SLIT3: variants seen among roughly 807,000 people sequenced by gnomAD.
The protein encoded by SLIT3 is slit guidance ligand 3.
SLIT3 carries 68 observed loss-of-function variants against 184.0 expected under a neutral mutation model. The ratio of observed to expected loss-of-function variants is 0.37; its 90% confidence interval spans 0.30 to 0.45. The LOEUF (loss-of-function observed/expected upper bound fraction) is 0.45, where lower values mean the gene tolerates loss of function less well. Among genes scored for constraint, SLIT3 ranks in the 20% least tolerant of loss-of-function variants. The pLI, the probability that SLIT3 is intolerant of heterozygous loss-of-function variation, is 1.00. For synonymous variants in SLIT3, 831 were observed against 828.6 expected (o/e 1.00, Z -0.05); for missense variants, 1,707 against 2,026.0 (o/e 0.84, Z 3.02).
At chr5:169,187,118 T>TTTG (rs1325030140) in intron 4 of SLIT3, among the ~76,000 whole-genome samples, 1 of 140,200 alleles carries the variant, frequency 7.1e-6, no homozygotes, top group African/African-American at 2.6e-5. Flanking sequence ...TAGGTTTTTT[T>TTTG]TTTTTTTTTT....
At chr5:168,684,989 T>C (rs1426056173) in intron 31 of SLIT3, among the ~76,000 whole-genome samples, 1 of 149,940 alleles carries the variant, frequency 6.7e-6, no homozygotes, top group Non-Finnish European at 1.5e-5. Flanking sequence ...CCTGCCCTGT[T>C]GCCCAGGCTG....
At chr5:169,008,140 A>T (rs1381321599) in intron 4 of SLIT3, among the ~76,000 whole-genome samples, 3 of 152,236 alleles carry the variant, frequency 2.0e-5, no homozygotes, top group African/African-American at 7.2e-5. Flanking sequence ...TCACACAAGG[A>T]AAGATGAAGA....
rs544537824 is a variant in SLIT3 at position 168,738,796 on chromosome 5, G to A, written c.2270+9506C>T. On this transcript the variant is annotated intron_variant, in intron 20 of 35. Coordinates refer to ENST00000519560, the MANE Select transcript of SLIT3 (RefSeq NM_003062.4). ...TACTAAAAATACAAAAAATTAGCCG[G>A]GCGCGGTGGCGGGCGCCTGTAGTCC... 1.4e-3 allele frequency among the ~76,000 whole-genome samples: 215 copies of A among 152,180 alleles called. 1 individual carries two copies. The highest frequency in any genetic ancestry group is 2.6e-3 in the Non-Finnish European group (180 of 68,002).
intron 32 of SLIT3, among the ~76,000 whole-genome samples, chr5:168,678,459 G>A (rs909371761): frequency 7.2e-5 from 11 of 152,090 alleles, no homozygotes; most frequent in African/African-American, 2.7e-4. Context: ...CGAGGCGGGC[G>A]GATCACAAGG....
intron 4 of SLIT3, among the ~76,000 whole-genome samples, chr5:169,070,219 G>A (rs1229480693): frequency 6.6e-6 from 1 of 152,180 alleles, no homozygotes; most frequent in Non-Finnish European, 1.5e-5. Context: ...GTATGTTCGA[G>A]TGATGTGTCC....
chr5:169,252,830 G>C (rs1765821399), intron 1 of SLIT3, among the ~76,000 whole-genome samples: 1 of 152,148 alleles, frequency 6.6e-6, no homozygotes, highest in African/African-American at 2.4e-5. Flanking sequence ...GAACAGGAAA[G>C]GCATTTTCAG....
At chr5:168,964,544 G>T (rs913040388) in intron 4 of SLIT3, among the ~76,000 whole-genome samples, 9 of 152,322 alleles carry the variant, frequency 5.9e-5, no homozygotes, top group African/African-American at 1.9e-4. Context: ...TGGACAAAAG[G>T]TAAGAAGTCA....
intron 23 of SLIT3, among the ~76,000 whole-genome samples, chr5:168,713,098 G>C (rs1762611628): frequency 6.6e-6 from 1 of 152,184 alleles, no homozygotes; most frequent in East Asian, 1.9e-4. Flanking sequence ...CAGAGGGAGG[G>C]GGTCCTCAGC....
chr5:168,678,260 G>A (rs1296920530), intron 32 of SLIT3, among the ~76,000 whole-genome samples: 1 of 152,184 alleles, frequency 6.6e-6, no homozygotes, highest in African/African-American at 2.4e-5. Context: ...GAGGTTCAGG[G>A]TAGGCAGTGC....
chr5:168,731,191 G>A (rs1292003278), intron 20 of SLIT3, among the ~76,000 whole-genome samples: 1 of 151,936 alleles, frequency 6.6e-6, no homozygotes, highest in Non-Finnish European at 1.5e-5. Flanking sequence ...AGAGCAAATG[G>A]ATAAATTCCC....
rs75355877 is a variant in SLIT3, at chr5:169,060,596, G to T, written c.413+132883C>A. Among the ~76,000 whole-genome samples the T allele has an allele frequency of 5.5e-3, 838 of 152,282 alleles. 11 individuals are homozygous for T. The highest frequency in any genetic ancestry group is 0.02 in the African/African-American group (816 of 41,556). On this transcript the variant is annotated intron_variant, in intron 4 of 35. Coordinates refer to ENST00000519560, the MANE Select transcript of SLIT3 (RefSeq NM_003062.4). ...TCCCTGGAGATGAGCTGCAACTGGG[G>T]TGTGAGCGTCATTAGCTGGGAGTCT... is the stretch of plus-strand genomic sequence containing the variant.
intron 4 of SLIT3, among the ~76,000 whole-genome samples, chr5:169,169,929 C>T (rs777377833): frequency 3.3e-5 from 5 of 152,200 alleles, no homozygotes; most frequent in Admixed American, 6.5e-5. Context: ...GGCCACAGAG[C>T]GCAAGTCCAG....
At chr5:169,110,874 G>C (rs1760385679) in intron 4 of SLIT3, among the ~76,000 whole-genome samples, 1 of 152,198 alleles carries the variant, frequency 6.6e-6, no homozygotes, top group Admixed American at 6.5e-5. Context: ...AGATGGGATT[G>C]TGTCACCCTC....
intron 18 of SLIT3, 89 bp downstream of exon 18, chr5:168,752,866 C>G: frequency 7.6e-7 from 1 of 1,315,950 alleles, no homozygotes; most frequent in Non-Finnish European, 1.1e-6. Context: ...GATAGATGAG[C>G]CTGGCTAGAG....
At chr5:168,834,938 A>T (rs540515163) in intron 6 of SLIT3, among the ~76,000 whole-genome samples, 1 of 152,138 alleles carries the variant, frequency 6.6e-6, no homozygotes, top group Admixed American at 6.5e-5. Flanking sequence ...GCACCGTCCA[A>T]TAAGGTAGCC....
intron 27 of SLIT3, among the ~76,000 whole-genome samples, chr5:168,697,589 G>A (rs1762100410): frequency 6.6e-6 from 1 of 152,156 alleles, no homozygotes; most frequent in African/African-American, 2.4e-5. Flanking sequence ...GCTCTGACTT[G>A]GGATTTAGCT....
rs577076972 is a variant in SLIT3 at position 168,883,842 on chromosome 5, C to G, written c.414-506G>C. ...CTGATTTTCTGATGGGGGATGACCA[C>G]TTCAGCTTACTCGAGAGTCCCAGAG... On this transcript the variant is annotated intron_variant, in intron 4 of 35. Coordinates refer to ENST00000519560, the MANE Select transcript of SLIT3 (RefSeq NM_003062.4). 2.0e-5 allele frequency among the ~76,000 whole-genome samples: 3 copies of G among 152,266 alleles called. No individual in the cohort carries two copies. In the East Asian group the frequency reaches 5.8e-4, roughly 29 times the overall value.
chr5:168,807,807 G>A (rs1039341444), intron 8 of SLIT3, among the ~76,000 whole-genome samples: 1 of 152,274 alleles, frequency 6.6e-6, no homozygotes, highest in African/African-American at 2.4e-5. Context: ...GCCAGAGTGG[G>A]TCTAGCTACA....
At chr5:168,968,852 C>A (rs990470783) in intron 4 of SLIT3, among the ~76,000 whole-genome samples, 2 of 152,100 alleles carry the variant, frequency 1.3e-5, no homozygotes, top group African/African-American at 4.8e-5. Flanking sequence ...AGCCGTGTGA[C>A]CTTGAGTAAG....
Sources: allele counts gnomAD v4.1 joint callset (sites outside exome capture counted in the v4.1 genomes callset), GRCh38; gene constraint gnomAD v4.1.1; transcripts MANE v1.5; gene names NCBI Gene and HGNC (gene_info 2026-07-23, HGNC 2026-07-21).